Variants in CNTRL observed in about 807,000 individuals in gnomAD.
CNTRL encodes the protein centriolin.
In CNTRL, 233 loss-of-function variants were observed where a neutral mutation model predicts 303.7. The observed-to-expected ratio is 0.77, with a 90% CI of 0.69 to 0.86. The LOEUF is 0.86. Among genes scored for constraint, CNTRL ranks in the 40% least tolerant of loss-of-function variants. The pLI is 0.00. For missense variants in CNTRL, 2,524 were observed against 2,650.6 expected, an observed-to-expected ratio of 0.95 and a Z score of 1.05; for synonymous variants, 900 against 922.2, an observed-to-expected ratio of 0.98 and a Z score of 0.44.
intron 37 of CNTRL, 83 bp from the exon 38 acceptor site, chr9:121,168,013 C>T: frequency 8.5e-7 from 1 of 1,178,816 alleles, no homozygotes; most frequent in South Asian, 1.4e-5. Context: ...TTTCTTTTGA[C>T]CTGGAATCTG....
At position 121,148,785 on chromosome 9, in the gene CNTRL, TC is replaced by T; in HGVS notation, c.3574del (p.Gln1192AsnfsTer54). On this transcript the variant is annotated frameshift_variant, in exon 24 of 44. Coordinates refer to ENST00000373855, the MANE Select transcript of CNTRL (RefSeq NM_007018.6). LOFTEE classifies it high-confidence loss of function. ...GGCAGCAGGATGGGAAGGAAGGCAG[TC>T]AACCTCCCCCTGCCTCAGGATACTG... Reference protein sequence around the residue: ...PGQQDGKEGSQPPPASGYWVY... With the variant: ...PGQQDGKEGSXPPPASGYWVY... 6.2e-7 allele frequency: 1 copy of T among 1,614,070 alleles called. No homozygotes were observed. Among genetic ancestry groups the T allele is most frequent in the Non-Finnish European group, 8.5e-7 (1 of 1,179,998 alleles).
chr9:121,075,481 G>A (rs575156064), intron 1 of CNTRL, among the ~76,000 whole-genome samples: 20 of 152,314 alleles, frequency 1.3e-4, no homozygotes, highest in African/African-American at 4.1e-4. Flanking sequence ...CACGGTATCG[G>A]ACGGAGTACA....
chr9:121,162,468 A>T (rs549553756), intron 34 of CNTRL, among the ~76,000 whole-genome samples, 197 bp downstream of exon 34: 13 of 145,750 alleles, frequency 8.9e-5, no homozygotes, highest in Admixed American at 2.0e-4. Context: ...GCATTTTTTT[A>T]AAATCTATTT....
chr9:121,104,622 T>C (rs2049365453), intron 7 of CNTRL, among the ~76,000 whole-genome samples: 1 of 150,964 alleles, frequency 6.6e-6, no homozygotes, highest in African/African-American at 2.4e-5. Flanking sequence ...TGTGTAGACA[T>C]AAGTAGGTGT....
chr9:121,088,574 A>T (rs1231707953), intron 3 of CNTRL, 31 bp downstream of exon 3: 1 of 1,424,836 alleles, frequency 7.0e-7, no homozygotes, highest in African/African-American at 1.4e-5. Flanking sequence ...AATTGGTCTG[A>T]CCACATACTT....
intron 7 of CNTRL, among the ~76,000 whole-genome samples, chr9:121,104,526 AAAAG>A (rs1306324307): frequency 5.3e-5 from 8 of 152,038 alleles, no homozygotes; most frequent in Non-Finnish European, 1.2e-4. Context: ...ATAATTAAAA[AAAAG>A]AAAAGTAAAA....
At chr9:121,115,790 T>C (rs1163338695) in intron 11 of CNTRL, among the ~76,000 whole-genome samples, 1 of 152,220 alleles carries the variant, frequency 6.6e-6, no homozygotes, top group African/African-American at 2.4e-5. Flanking sequence ...TAAAAATCAG[T>C]ATTTAAAAAT....
intron 6 of CNTRL, 101 bp from the exon 7 acceptor site, chr9:121,098,281 GAATA>G: frequency 1.2e-6 from 1 of 850,158 alleles, no homozygotes; most frequent in South Asian, 1.8e-5. Context: ...TTGGCTTCAT[GAATA>G]GATTCCTTGC....
chr9:121,102,244 A>G (rs2049213074), intron 7 of CNTRL, among the ~76,000 whole-genome samples: 2 of 152,264 alleles, frequency 1.3e-5, no homozygotes, highest in Non-Finnish European at 2.9e-5. Context: ...GGCTGGTTCA[A>G]CATACACAAA....
At chr9:121,149,118 C>G (rs1029911342) in intron 24 of CNTRL, among the ~76,000 whole-genome samples, 3 of 152,196 alleles carry the variant, frequency 2.0e-5, no homozygotes, top group Non-Finnish European at 4.4e-5. Context: ...CTAAATGGAG[C>G]CTTCTTCCAC....
intron 38 of CNTRL, among the ~76,000 whole-genome samples, chr9:121,168,581 ACGTGAATAAT>A (rs1480550251): frequency 6.6e-6 from 1 of 152,232 alleles, no homozygotes; most frequent in African/African-American, 2.4e-5. Flanking sequence ...TGGAACATTC[ACGTGAATAAT>A]TGCCAAAAGA....
intron 27 of CNTRL, among the ~76,000 whole-genome samples, chr9:121,155,887 C>G (rs2131650118): frequency 1.3e-5 from 2 of 152,166 alleles, no homozygotes; most frequent in East Asian, 3.9e-4. Flanking sequence ...CATGAAACAC[C>G]TCAGGAACTA....
Position 121,157,570 on chromosome 9 carries a change from T to C in CNTRL, c.4466T>C (p.Val1489Ala). Residue 1489 changes from valine (V) to alanine (A), a missense_variant, in exon 28 of 44, where the codon GTT becomes GCT. Val to Ala is a moderately conservative substitution (Grantham distance 64, BLOSUM62 0). Transcript: ENST00000373855. Reference sequence around the variant, plus strand: ...GAAAGGAGAGCTCAGGAAACTGCTGTTAACCTCGTCAAAGCTGATCAGCAG... The same window carrying C: ...GAAAGGAGAGCTCAGGAAACTGCTGCTAACCTCGTCAAAGCTGATCAGCAG... The part of the protein sequence containing the change: ...ELERRAQETA[V>A]NLVKADQQLR... 1 of 1,614,154 alleles carries C rather than the reference T, an allele frequency of 6.2e-7. No individual in the cohort carries two copies. Among genetic ancestry groups the C allele is most frequent in the Non-Finnish European group, 8.5e-7 (1 of 1,180,010 alleles).
intron 32 of CNTRL, among the ~76,000 whole-genome samples, chr9:121,161,050 A>G (rs1281082772): frequency 6.6e-6 from 1 of 152,354 alleles, no homozygotes. Context: ...AATGACATGC[A>G]AACATGACCA....
chr9:121,169,104 T>C (rs2053205555), intron 38 of CNTRL, among the ~76,000 whole-genome samples: 2 of 152,242 alleles, frequency 1.3e-5, no homozygotes, highest in South Asian at 2.1e-4. Context: ...GAGTACTCAC[T>C]ATGTACCAGG....
chr9:121,141,950 T>A, intron 18 of CNTRL, 141 bp from the exon 19 acceptor site: 2 of 680,364 alleles, frequency 2.9e-6, no homozygotes, highest in Non-Finnish European at 4.9e-6. Context: ...TCGTTCAAGA[T>A]AAAACCATTC....
chr9:121,169,672 C>T lies in CNTRL; in HGVS notation c.6132C>T (p.Leu2044=). The T allele has an allele frequency of 6.2e-7, 1 of 1,614,094 alleles. No homozygotes were observed. Among genetic ancestry groups the T allele is most frequent in the Non-Finnish European group, 8.5e-7 (1 of 1,180,024 alleles). ...LVEKSGELLA[L]QKEADSMRAD... is the part of the protein sequence containing the mutation. ...AGAAATCAGGTGAGCTGTTGGCCCT[C>T]CAGAAAGAGGCAGATTCTATGAGGG... Residue 2044 remains leucine, a synonymous_variant, in exon 39 of 44, where the codon CTC becomes CTT. Coordinates refer to ENST00000373855, the MANE Select transcript of CNTRL (RefSeq NM_007018.6).
intron 7 of CNTRL, 69 bp downstream of exon 7, chr9:121,098,641 A>G: frequency 1.0e-6 from 1 of 995,704 alleles, no homozygotes; most frequent in Non-Finnish European, 1.5e-6. Flanking sequence ...TTATCTAGAA[A>G]TATGTATCAT....
chr9:121,106,986 G>A (rs2049506653), intron 7 of CNTRL, among the ~76,000 whole-genome samples: 1 of 152,130 alleles, frequency 6.6e-6, no homozygotes, highest in Non-Finnish European at 1.5e-5. Context: ...CCAGGTAGAT[G>A]TAGTTTCTGC....
Sources: gnomAD v4.1 joint callset for allele counts (sites outside exome capture counted in the v4.1 genomes callset) on GRCh38, gnomAD v4.1.1 for gene constraint, MANE v1.5 for transcripts, NCBI Gene and HGNC (gene_info 2026-07-23, HGNC 2026-07-21) for gene names.